Variants in EPHA6 observed in about 807,000 individuals in gnomAD.
EPHA6 encodes EPH receptor A6, also known as ephrin type-A receptor 6.
EPHA6 carries 50 observed loss-of-function variants against 112.0 expected under a neutral mutation model. The ratio of observed to expected loss-of-function variants is 0.45; its 90% CI spans 0.36 to 0.56. The LOEUF is 0.56. Among genes scored for constraint, EPHA6 ranks in the 20% least tolerant of loss-of-function variants. The pLI is 0.00. For missense variants in EPHA6, 1,280 were observed against 1,417.4 expected (o/e 0.90, Z 1.56); for synonymous variants, 529 against 490.7 (o/e 1.08, Z -1.03).
rs1035852995 is a variant in EPHA6 at position 97,759,226 on chromosome 3, T to C, written c.*10525T>C. Among the ~76,000 whole-genome samples the C allele has an allele frequency of 3.3e-5, 5 of 151,970 alleles. No individual in the cohort carries two copies. The highest frequency in any genetic ancestry group is 6.6e-5 in the Admixed American group (1 of 15,266). On this transcript the variant is annotated 3_prime_UTR_variant, in exon 18 of 18. Coordinates refer to ENST00000389672, the MANE Select transcript of EPHA6 (RefSeq NM_001080448.3). ...ATGGGAATTAGCAACATGGAAGTTG[T>C]TGTTGTTGATGACCTTCACAAGGTC... is the stretch of plus-strand genomic sequence containing the variant.
chr3:97,606,134 C>T (rs1052570310), intron 12 of EPHA6: 5 of 151,356 alleles, frequency 3.3e-5, no homozygotes, highest in African/African-American at 9.7e-5. Context: ...GCGCTTTATA[C>T]TAATTGACTG....
intron 5 of EPHA6, among the ~76,000 whole-genome samples, chr3:97,274,528 G>A (rs1022774978): frequency 6.6e-6 from 1 of 152,140 alleles, no homozygotes; most frequent in African/African-American, 2.4e-5. Context: ...GAATATGAAA[G>A]GCATATTTAG....
At chr3:97,678,496 C>G (rs2031591517) in intron 14 of EPHA6, among the ~76,000 whole-genome samples, 1 of 152,092 alleles carries the variant, frequency 6.6e-6, no homozygotes, top group East Asian at 1.9e-4. Flanking sequence ...AGATCTGTTC[C>G]TGCTATTCTT....
At chr3:97,646,101 A>G in intron 14 of EPHA6, 1 of 1,519,470 alleles carries the variant, frequency 6.6e-7, no homozygotes, top group East Asian at 2.5e-5. Flanking sequence ...TTCCATTAAA[A>G]TGACTTTGCC....
intron 3 of EPHA6, among the ~76,000 whole-genome samples, chr3:97,158,770 A>T (rs1336041990): frequency 6.6e-6 from 1 of 152,148 alleles, no homozygotes; most frequent in Non-Finnish European, 1.5e-5. Flanking sequence ...GACAAATTGG[A>T]CCAGGGGAAC....
chr3:97,324,405 T>TTTTCTTTCTTTA (rs2082271075), intron 5 of EPHA6, among the ~76,000 whole-genome samples: 1 of 104,492 alleles, frequency 9.6e-6, no homozygotes. Context: ...GCTTTCCTTC[T>TTTTCTTTCTTTA]TTTCTTTCTT....
At chr3:97,693,892 C>A (rs1052640889) in intron 14 of EPHA6, among the ~76,000 whole-genome samples, 8 of 152,058 alleles carry the variant, frequency 5.3e-5, no homozygotes, top group Admixed American at 3.3e-4. Context: ...TTATTATAAT[C>A]ATCATCATCA....
chr3:97,662,769 T>A (rs1170344061), intron 14 of EPHA6, among the ~76,000 whole-genome samples: 17 of 152,160 alleles, frequency 1.1e-4, no homozygotes. Flanking sequence ...AAAAAACAGA[T>A]AAATAAAGTA....
intron 7 of EPHA6, among the ~76,000 whole-genome samples, chr3:97,453,066 T>C (rs549546564): frequency 1.2e-4 from 18 of 151,922 alleles, no homozygotes; most frequent in African/African-American, 4.3e-4. Flanking sequence ...TTGTTTTTAT[T>C]TAAAGCACTA....
chr3:97,029,341 GTGA>G (rs1197681207), intron 3 of EPHA6, among the ~76,000 whole-genome samples: 1 of 151,346 alleles, frequency 6.6e-6, no homozygotes, highest in African/African-American at 2.4e-5. Flanking sequence ...TAAATCCCCT[GTGA>G]TGTTTTTAAT....
intron 5 of EPHA6, among the ~76,000 whole-genome samples, chr3:97,322,581 C>G (rs1367775825): frequency 1.3e-5 from 2 of 151,864 alleles, no homozygotes; most frequent in Non-Finnish European, 2.9e-5. Flanking sequence ...GAAAGCATTA[C>G]AGTATGATTT....
Position 97,033,434 on chromosome 3 carries a change from A to C in EPHA6, c.1114+45441A>C, listed in dbSNP as rs529213605. On this transcript the variant is annotated intron_variant, in intron 3 of 17. Coordinates refer to ENST00000389672, the MANE Select transcript of EPHA6 (RefSeq NM_001080448.3). ...GAGTAAAGAATGAAGTAACACTCTGAATTTATCCACATATATCATGGATCT... is the reference window on the plus strand; with the variant it reads ...GAGTAAAGAATGAAGTAACACTCTGCATTTATCCACATATATCATGGATCT... 1.9e-4 allele frequency among the ~76,000 whole-genome samples: 29 copies of C among 152,102 alleles called. No homozygotes were observed. The South Asian group carries it at 3.3e-3, about 17-fold the overall frequency.
At chr3:97,227,937 G>A (rs2078408849) in intron 4 of EPHA6, among the ~76,000 whole-genome samples, 1 of 152,174 alleles carries the variant, frequency 6.6e-6, no homozygotes. Context: ...ACCACAGAAA[G>A]GGAGGGGCAG....
At chr3:97,023,400 C>A (rs921278915) in intron 3 of EPHA6, among the ~76,000 whole-genome samples, 1 of 152,072 alleles carries the variant, frequency 6.6e-6, no homozygotes, top group African/African-American at 2.4e-5. Flanking sequence ...CTTTACATCT[C>A]TTTTTCAAAT....
intron 2 of EPHA6, among the ~76,000 whole-genome samples, chr3:96,890,405 A>G (rs1274279395): frequency 1.3e-5 from 2 of 152,218 alleles, no homozygotes; most frequent in Admixed American, 6.5e-5. Context: ...GTCAATAGAC[A>G]TATGAAAAGG....
chr3:97,538,977 CTCTCTCTTTCTT>C (rs1560112811), intron 11 of EPHA6, among the ~76,000 whole-genome samples: 2 of 138,100 alleles, frequency 1.4e-5, no homozygotes, highest in African/African-American at 5.6e-5. Context: ...TGGACACTTT[CTCTCTCTTTCTT>C]TCTTTCTTTC....
At chr3:96,847,897 T>C (rs935679004) in intron 1 of EPHA6, among the ~76,000 whole-genome samples, 3 of 152,102 alleles carry the variant, frequency 2.0e-5, no homozygotes, top group Admixed American at 6.6e-5. Flanking sequence ...TATTAGATAG[T>C]CATTGTATCA....
intron 14 of EPHA6, among the ~76,000 whole-genome samples, chr3:97,652,142 C>T (rs1411157167): frequency 6.6e-6 from 1 of 152,056 alleles, no homozygotes; most frequent in Non-Finnish European, 1.5e-5. Context: ...GAAATAAAGT[C>T]ATAACTAATG....
chr3:97,701,715 A>G (rs2033402817), intron 14 of EPHA6, among the ~76,000 whole-genome samples: 1 of 151,776 alleles, frequency 6.6e-6, no homozygotes, highest in East Asian at 1.9e-4. Context: ...CTTTTTTTAT[A>G]TATACCTACC....
Sources: gnomAD v4.1 joint callset for allele counts (sites outside exome capture counted in the v4.1 genomes callset) on GRCh38, gnomAD v4.1.1 for gene constraint, MANE v1.5 for transcripts, NCBI Gene and HGNC (gene_info 2026-07-23, HGNC 2026-07-21) for gene names.